Variants in GNG4 observed in about 807,000 individuals in gnomAD.
The protein encoded by GNG4 is guanine nucleotide-binding protein G(I)/G(S)/G(O) subunit gamma-4.
In GNG4, 4 loss-of-function variants were observed where a neutral mutation model predicts 5.8. The ratio of observed to expected loss-of-function variants is 0.69; its 90% CI spans 0.34 to 1.57. The LOEUF (loss-of-function observed/expected upper bound fraction) is 1.57, where lower values mean the gene tolerates loss of function less well. GNG4 is among the 40% of genes most tolerant of loss of function. The pLI is 0.06. For synonymous variants in GNG4, 29 were observed against 32.9 expected (o/e 0.88, Z 0.41); for missense variants, 96 against 95.1 (o/e 1.01, Z -0.04).
intron 1 of GNG4, among the ~76,000 whole-genome samples, chr1:235,621,698 A>C: frequency 6.8e-6 from 1 of 146,684 alleles, no homozygotes. Context: ...TTTTTTGGAG[A>C]CAGAGTCTTG....
At chr1:235,588,029 G>C (rs976161074) in intron 2 of GNG4, among the ~76,000 whole-genome samples, 1 of 151,844 alleles carries the variant, frequency 6.6e-6, no homozygotes, top group Non-Finnish European at 1.5e-5. Context: ...AGTCCCGTCA[G>C]GCCCCTGCAG....
chr1:235,602,227 G>A (rs1018915415), intron 1 of GNG4, among the ~76,000 whole-genome samples: 4 of 152,018 alleles, frequency 2.6e-5, no homozygotes, highest in African/African-American at 9.7e-5. Context: ...AGCTGAGATC[G>A]CGCCATTGCA....
chr1:235,620,237 C>T (rs1015378113), intron 1 of GNG4, among the ~76,000 whole-genome samples: 4 of 152,046 alleles, frequency 2.6e-5, no homozygotes, highest in African/African-American at 9.7e-5. Flanking sequence ...TGTTGGTGCA[C>T]GTCTGTAATC....
Position 235,642,149 on chromosome 1 carries a change from TA to T in GNG4, c.-123+7512del, listed in dbSNP as rs10710527. On this transcript the variant is annotated intron_variant, in intron 1 of 3. Coordinates refer to ENST00000391854, the MANE Select transcript of GNG4 (RefSeq NM_001098722.2). The surrounding 1 kb of genome is among the most constrained non-coding windows in gnomAD (Gnocchi z 4.3). ...CCAGACCGCAGGGGCATTTCACAGC[TA>T]ACCACAGCGGTCCGAGGCGAACGCA... Among the ~76,000 whole-genome samples, 64,004 of 151,982 alleles carry T rather than the reference TA, an allele frequency of 0.42. 14,252 individuals are homozygous for T. The highest frequency in any genetic ancestry group is 0.53 in the African/African-American group (21,879 of 41,410).
intron 3 of GNG4, among the ~76,000 whole-genome samples, chr1:235,556,374 A>G (rs899491524): frequency 1.7e-4 from 26 of 151,558 alleles, no homozygotes; most frequent in Middle Eastern, 3.4e-3. Flanking sequence ...CCTGGCCAAC[A>G]TGGTGAAACC....
rs1193475407 is a variant in GNG4 at position 235,631,567 on chromosome 1, C to A, written c.-123+18095G>T. On this transcript the variant is annotated intron_variant, in intron 1 of 3. Coordinates refer to ENST00000391854, the MANE Select transcript of GNG4 (RefSeq NM_001098722.2). ...CCAGCGTAGCTTACTTTTTTCTTTTCTTTCTTTCTTTTTTTTTTTTTCAGA... is the reference window on the plus strand; with the variant it reads ...CCAGCGTAGCTTACTTTTTTCTTTTATTTCTTTCTTTTTTTTTTTTTCAGA... 3.2e-5 allele frequency among the ~76,000 whole-genome samples: 4 copies of A among 125,246 alleles called. No homozygotes were observed. In the Admixed American group the frequency reaches 3.6e-4, roughly 11 times the overall value. 82.2% of individuals were successfully genotyped at this position (125,246 alleles called of 152,430 possible). A position where few individuals can be genotyped will look rare whatever the true frequency, so the allele number is the denominator to read the frequency against.
intron 3 of GNG4, among the ~76,000 whole-genome samples, chr1:235,559,590 G>T (rs1034951472): frequency 1.3e-5 from 2 of 152,212 alleles, no homozygotes; most frequent in Non-Finnish European, 2.9e-5. Context: ...CGGATGGCCT[G>T]TGTGGGGAGA....
intron 3 of GNG4, among the ~76,000 whole-genome samples, chr1:235,559,205 C>T (rs912405526): frequency 6.6e-6 from 1 of 152,154 alleles, no homozygotes; most frequent in Admixed American, 6.5e-5. Flanking sequence ...TCCAAGAAAA[C>T]AAAGCAGGAT....
chr1:235,603,062 G>A (rs902017462), intron 1 of GNG4, among the ~76,000 whole-genome samples: 2 of 152,050 alleles, frequency 1.3e-5, no homozygotes, highest in Non-Finnish European at 2.9e-5. Context: ...GGCCAACATA[G>A]TGAAACCCTG....
At chr1:235,553,396 G>C (rs909270915) in intron 3 of GNG4, among the ~76,000 whole-genome samples, 12 of 152,230 alleles carry the variant, frequency 7.9e-5, no homozygotes, top group African/African-American at 2.6e-4. Flanking sequence ...TACAGGCAGG[G>C]GTAAATACAT....
chr1:235,593,404 T>A (rs1451020248), intron 2 of GNG4, among the ~76,000 whole-genome samples: 1 of 152,200 alleles, frequency 6.6e-6, no homozygotes, highest in Non-Finnish European at 1.5e-5. Flanking sequence ...AAGCCAAATG[T>A]CATTGTGCCT....
intron 3 of GNG4, among the ~76,000 whole-genome samples, chr1:235,561,185 A>G (rs1687052751): frequency 6.6e-6 from 1 of 151,576 alleles, no homozygotes; most frequent in Non-Finnish European, 1.5e-5. Flanking sequence ...AATTTTTTGT[A>G]TTTTTAGTAG....
chr1:235,650,492 A>C (rs1360767361), upstream of GNG4: 3 of 152,354 alleles, frequency 2.0e-5, no homozygotes, highest in East Asian at 3.8e-4. Context: ...CCCTGCACCA[A>C]GGGACGCCTC....
chr1:235,593,004 A>G (rs1207958912), intron 2 of GNG4, among the ~76,000 whole-genome samples: 2 of 147,810 alleles, frequency 1.4e-5, no homozygotes, highest in African/African-American at 5.0e-5. Context: ...CTTGGAGTGC[A>G]GTGGTGCAAT....
chr1:235,622,035 ATTAAC>A (rs1252508223), intron 1 of GNG4, among the ~76,000 whole-genome samples: 9 of 152,192 alleles, frequency 5.9e-5, no homozygotes, highest in African/African-American at 2.2e-4. Context: ...AGAAAATAAA[ATTAAC>A]TTATGTGGAC....
chr1:235,556,480 C>A (rs1338645473), intron 3 of GNG4, among the ~76,000 whole-genome samples: 1 of 149,704 alleles, frequency 6.7e-6, no homozygotes, highest in Non-Finnish European at 1.5e-5. Flanking sequence ...ATTGCTTGAA[C>A]CAGGGAGTCA....
At chr1:235,593,915 G>C (rs555460954) in intron 2 of GNG4, among the ~76,000 whole-genome samples, 1 of 152,194 alleles carries the variant, frequency 6.6e-6, no homozygotes, top group Admixed American at 6.5e-5. Context: ...CCTGCACAGC[G>C]TGCATGGGGA....
At chr1:235,638,700 C>T (rs1657208900) in intron 1 of GNG4, among the ~76,000 whole-genome samples, 1 of 152,134 alleles carries the variant, frequency 6.6e-6, no homozygotes, top group Non-Finnish European at 1.5e-5. Flanking sequence ...GTTCCCCTCC[C>T]TGTGTCCATG....
chr1:235,639,775 G>T (rs573126217), intron 1 of GNG4, among the ~76,000 whole-genome samples: 11 of 152,284 alleles, frequency 7.2e-5, no homozygotes, highest in African/African-American at 2.4e-4. Context: ...CCAAAGTGCT[G>T]GGATATCAGG....
Sources: gnomAD v4.1 joint callset for allele counts (sites outside exome capture counted in the v4.1 genomes callset) on GRCh38, gnomAD v4.1.1 for gene constraint, Gnocchi (gnomAD v3.1) non-coding constraint, MANE v1.5 for transcripts, NCBI Gene and HGNC (gene_info 2026-07-23, HGNC 2026-07-21) for gene names.